C14orf132: variants seen among roughly 807,000 people sequenced by gnomAD.
C14orf132 encodes the protein chromosome 14 open reading frame 132.
In C14orf132, 6 loss-of-function variants were observed where a neutral mutation model predicts 5.8. The observed-to-expected ratio is 1.03, with a 90% CI of 0.57 to 2.04. C14orf132 has a LOEUF of 2.04. Ranked by LOEUF, C14orf132 falls within the 30% of genes most tolerant of loss-of-function variation. The pLI is 0.00. For missense variants in C14orf132, 125 were observed against 115.8 expected (o/e 1.08, Z -0.37); for synonymous variants, 51 against 49.8 (o/e 1.02, Z -0.10).
intron 1 of C14orf132, among the ~76,000 whole-genome samples, chr14:96,042,194 G>A (rs915920352): frequency 2.0e-5 from 3 of 152,212 alleles, no homozygotes; most frequent in African/African-American, 7.2e-5. Flanking sequence ...GAGAGATATC[G>A]AGATAGCGAA....
At chr14:96,053,730 A>G (rs1056534890) in intron 1 of C14orf132, among the ~76,000 whole-genome samples, 1 of 152,178 alleles carries the variant, frequency 6.6e-6, no homozygotes, top group Non-Finnish European at 1.5e-5. Flanking sequence ...CCAGTGTTAC[A>G]GAACACTGTT....
In C14orf132 at chr14:96,087,399, T is replaced by C. The variant is rs1398993088; in HGVS notation, c.*664T>C. Reference sequence around the variant, plus strand: ...ATCTCCTGGTCGGACTTTCTCTTCTTTTTAAGAAGAGGAGAGGATGTCTTT... The same window carrying C: ...ATCTCCTGGTCGGACTTTCTCTTCTCTTTAAGAAGAGGAGAGGATGTCTTT... On this transcript the variant is annotated 3_prime_UTR_variant, in exon 2 of 2. Coordinates refer to ENST00000555004, the MANE Select transcript of C14orf132 (RefSeq NM_001252507.3). The C allele has an allele frequency of 6.6e-6, 1 of 152,250 alleles. No individual in the cohort carries two copies. Among genetic ancestry groups the C allele is most frequent in the Non-Finnish European group, 1.5e-5 (1 of 68,222 alleles). 9.4% of individuals were successfully genotyped at this position (152,250 alleles called of 1,614,324 possible). A position where few individuals can be genotyped will look rare whatever the true frequency, so the allele number is the denominator to read the frequency against.
intron 1 of C14orf132, among the ~76,000 whole-genome samples, chr14:96,081,459 G>A (rs1044560712): frequency 2.6e-5 from 4 of 152,160 alleles, no homozygotes; most frequent in African/African-American, 9.7e-5. Flanking sequence ...GATGGTCCTA[G>A]GATTCATTCA....
rs905602189 is a variant in C14orf132, at chr14:96,092,512, T to C, written c.*5777T>C. 1.3e-5 allele frequency: 2 copies of C among 152,224 alleles called. No homozygotes were observed. The highest frequency in any genetic ancestry group is 1.9e-4 in the East Asian group (1 of 5,202). The allele number at this position is 152,224 out of a possible 1,614,324, so 9.4% of individuals were successfully genotyped here. ...CACGTGGCTGAGCAACACCCCTGTGTCCCCTGTATCTGTCTCACTGGCTGT... is the reference window on the plus strand; with the variant it reads ...CACGTGGCTGAGCAACACCCCTGTGCCCCCTGTATCTGTCTCACTGGCTGT... On this transcript the variant is annotated 3_prime_UTR_variant, in exon 2 of 2. Transcript: ENST00000555004.
intron 1 of C14orf132, among the ~76,000 whole-genome samples, chr14:96,041,287 C>G (rs768766178): frequency 1.3e-5 from 2 of 152,154 alleles, no homozygotes; most frequent in Admixed American, 6.5e-5. Context: ...CACAGCAAAT[C>G]CTTACAAGTC....
intron 1 of C14orf132, among the ~76,000 whole-genome samples, chr14:96,056,617 G>A (rs1332460731): frequency 1.3e-5 from 2 of 152,154 alleles, no homozygotes; most frequent in African/African-American, 4.8e-5. Flanking sequence ...GAGGTGTAAG[G>A]ATTAGGTAAG....
rs1310631096 is a variant in C14orf132 at position 96,087,764 on chromosome 14, C to T, written c.*1029C>T. On this transcript the variant is annotated 3_prime_UTR_variant, in exon 2 of 2. Coordinates refer to ENST00000555004, the MANE Select transcript of C14orf132 (RefSeq NM_001252507.3). Reference sequence around the variant, plus strand: ...AGGCTGCTCAGATACCCGTCCTTTACATTCAGTGTGGATACCGTGCATTCT... The same window carrying T: ...AGGCTGCTCAGATACCCGTCCTTTATATTCAGTGTGGATACCGTGCATTCT... 6.6e-6 allele frequency: 1 copy of T among 152,156 alleles called. No individual in the cohort carries two copies. Among genetic ancestry groups the T allele is most frequent in the East Asian group, 1.9e-4 (1 of 5,196 alleles). 9.4% of individuals were successfully genotyped at this position (152,156 alleles called of 1,614,324 possible). A position where few individuals can be genotyped will look rare whatever the true frequency, so the allele number is the denominator to read the frequency against.
chr14:96,074,327 C>T (rs955396670), intron 1 of C14orf132, among the ~76,000 whole-genome samples: 1 of 152,148 alleles, frequency 6.6e-6, no homozygotes, highest in African/African-American at 2.4e-5. Context: ...TCTTTTCATT[C>T]TCTTAATGGT....
rs562645161 is a variant in C14orf132 at position 96,067,309 on chromosome 14, G to A, written c.28-19202G>A. ...GCCAGTGTGGCCACTGCAGGGGACT[G>A]GACCTGAACCCATTGCCATCCTTGG... On this transcript the variant is annotated intron_variant, in intron 1 of 1. Coordinates refer to ENST00000555004, the MANE Select transcript of C14orf132 (RefSeq NM_001252507.3). 2.6e-5 allele frequency among the ~76,000 whole-genome samples: 4 copies of A among 152,282 alleles called. No individual in the cohort carries two copies. In the East Asian group the frequency reaches 7.7e-4, roughly 29 times the overall value.
intron 1 of C14orf132, among the ~76,000 whole-genome samples, chr14:96,045,914 CTA>C (rs767944104): frequency 4.5e-4 from 68 of 152,322 alleles, no homozygotes; most frequent in Non-Finnish European, 8.4e-4. Flanking sequence ...AGACTGGAGT[CTA>C]GGCTTCCAGC....
Position 96,039,570 on chromosome 14 carries a change from G to A in C14orf132, c.27+43G>A, listed in dbSNP as rs1886627457. On this transcript the variant is annotated intron_variant, in intron 1 of 1. Transcript: ENST00000555004. The surrounding 1 kb of genome is among the most constrained non-coding windows in gnomAD (Gnocchi z 5.3). ...CCACGCGCCCCGGGCCGCCAAGTTT[G>A]GGGAGGTTCGGGGCCACGGTCTCGC... 6.7e-7 allele frequency: 1 copy of A among 1,486,460 alleles called. No homozygotes were observed. The highest frequency in any genetic ancestry group is 8.9e-7 in the Non-Finnish European group (1 of 1,119,130). 92.1% of individuals were successfully genotyped at this position (1,486,460 alleles called of 1,614,324 possible).
At chr14:96,081,252 T>G (rs1230143914) in intron 1 of C14orf132, among the ~76,000 whole-genome samples, 1 of 152,202 alleles carries the variant, frequency 6.6e-6, no homozygotes, top group Non-Finnish European at 1.5e-5. Flanking sequence ...TGACTTGCCT[T>G]TTCCCCTAGA....
chr14:96,071,029 A>G (rs1887693220), intron 1 of C14orf132, among the ~76,000 whole-genome samples: 1 of 152,208 alleles, frequency 6.6e-6, no homozygotes, highest in Non-Finnish European at 1.5e-5. Context: ...GGTTTGTATT[A>G]GTCCATTATC....
chr14:96,081,760 C>T (rs968295189), intron 1 of C14orf132, among the ~76,000 whole-genome samples: 31 of 152,100 alleles, frequency 2.0e-4, no homozygotes, highest in African/African-American at 6.5e-4. Flanking sequence ...CACCACACTC[C>T]GCTAATTTTT....
intron 1 of C14orf132, among the ~76,000 whole-genome samples, chr14:96,041,855 G>A (rs1566820974): frequency 6.6e-6 from 1 of 152,232 alleles, no homozygotes. Context: ...TGAATAGGAC[G>A]TAGATTTTCT....
At position 96,049,631 on chromosome 14, in the gene C14orf132, CAT is replaced by C. The variant is rs552992560; in HGVS notation, c.27+10110_27+10111del. ...ATATACATATATACGTATATATATA[CAT>C]ATATACGTATATATATATATAGAGA... is the stretch of plus-strand genomic sequence containing the variant. On this transcript the variant is annotated intron_variant, in intron 1 of 1. Transcript: ENST00000555004. Among the ~76,000 whole-genome samples the C allele has an allele frequency of 8.8e-5, 6 of 68,176 alleles. 1 individual carries two copies. The highest frequency in any genetic ancestry group is 3.0e-4 in the African/African-American group (4 of 13,186). 44.7% of individuals were successfully genotyped at this position (68,176 alleles called of 152,430 possible). A position where few individuals can be genotyped will look rare whatever the true frequency, so the allele number is the denominator to read the frequency against.
intron 1 of C14orf132, among the ~76,000 whole-genome samples, chr14:96,065,619 T>G (rs1375807083): frequency 6.6e-6 from 1 of 151,046 alleles, no homozygotes; most frequent in African/African-American, 2.5e-5. Context: ...TTACATAGTT[T>G]TTTTCTTGGT....
chr14:96,072,981 C>T (rs192168224), intron 1 of C14orf132, among the ~76,000 whole-genome samples: 7 of 152,282 alleles, frequency 4.6e-5, no homozygotes, highest in African/African-American at 1.4e-4. Flanking sequence ...TTTTATTCCT[C>T]TTGGGTAAAT....
At chr14:96,069,406 C>T (rs568265279) in intron 1 of C14orf132, among the ~76,000 whole-genome samples, 3 of 151,602 alleles carry the variant, frequency 2.0e-5, no homozygotes, top group South Asian at 2.1e-4. Flanking sequence ...TACCGTGATA[C>T]TCAGGCAATT....
Sources: allele counts gnomAD v4.1 joint callset (sites outside exome capture counted in the v4.1 genomes callset), GRCh38; gene constraint gnomAD v4.1.1; non-coding constraint Gnocchi (gnomAD v3.1); transcripts MANE v1.5; gene names NCBI Gene and HGNC (gene_info 2026-07-23, HGNC 2026-07-21).